The following CEP63 variants were observed in gnomAD, a reference collection of about 807,000 sequenced individuals.
CEP63 encodes centrosomal protein 63, also known as centrosomal protein of 63 kDa.
A neutral mutation model predicts 89.1 loss-of-function variants in CEP63; 84 were observed. That is an observed-to-expected ratio of 0.94 (90% CI 0.79 to 1.13). CEP63 has a LOEUF of 1.13. Ranked by LOEUF, CEP63 falls within the 50% of genes most tolerant of loss-of-function variation. The pLI is 0.00. For missense variants in CEP63, 838 were observed against 813.3 expected (o/e 1.03, Z -0.37); for synonymous variants, 267 against 272.5 (o/e 0.98, Z 0.20).
At chr3:134,675,627 C>T in the CEP63 span, among the ~76,000 whole-genome samples, 3 of 151,958 alleles carry the variant, frequency 2.0e-5, no homozygotes, top group Non-Finnish European at 2.9e-5. Context: ...ATTTTAAAGT[C>T]ATATGCCTCA....
the CEP63 span, chr3:134,601,031 T>A: frequency 2.0e-5 from 3 of 152,300 alleles, 1 homozygote; most frequent in African/African-American, 7.2e-5. Context: ...GGGGCGCCCG[T>A]GCCATTCCGC....
At chr3:134,757,550 AAG>A in the CEP63 span, among the ~76,000 whole-genome samples, 1 of 152,234 alleles carries the variant, frequency 6.6e-6, no homozygotes, top group Non-Finnish European at 1.5e-5. Flanking sequence ...GGAGTAGAAA[AAG>A]AGGAATCAAG....
At chr3:134,627,869 T>C in the CEP63 span, 1 of 1,426,116 alleles carries the variant, frequency 7.0e-7, no homozygotes, top group Non-Finnish European at 9.9e-7. Flanking sequence ...GAAACAGAAA[T>C]GCAAGCACTG....
intron 12 of CEP63, among the ~76,000 whole-genome samples, chr3:134,555,531 A>G (rs1262784351): frequency 6.6e-6 from 1 of 151,438 alleles, no homozygotes; most frequent in Non-Finnish European, 1.5e-5. Flanking sequence ...CAATTGCTTC[A>G]AAGAGAATAA....
chr3:134,584,735 A>G (rs1052173928), intron 10 of CEP63, among the ~76,000 whole-genome samples: 4 of 152,050 alleles, frequency 2.6e-5, no homozygotes, highest in Admixed American at 2.6e-4. Flanking sequence ...ATTGATTGGA[A>G]TAGTTTCAGA....
At chr3:134,638,042 C>G in the CEP63 span, among the ~76,000 whole-genome samples, 1 of 152,184 alleles carries the variant, frequency 6.6e-6, no homozygotes, top group Admixed American at 6.5e-5. Context: ...CAAAGCTGTG[C>G]TGCTGCTTAG....
chr3:134,757,625 G>A, the CEP63 span, among the ~76,000 whole-genome samples: 1 of 152,166 alleles, frequency 6.6e-6, no homozygotes, highest in Non-Finnish European at 1.5e-5. Context: ...AAAGAGATGA[G>A]AAGTAACTGA....
At chr3:134,533,455 T>C (rs1364393622) in intron 5 of CEP63, among the ~76,000 whole-genome samples, 1 of 152,202 alleles carries the variant, frequency 6.6e-6, no homozygotes, top group Non-Finnish European at 1.5e-5. Context: ...TATTCTCAAT[T>C]CCCATTTAGA....
chr3:134,745,283 T>A, the CEP63 span, among the ~76,000 whole-genome samples: 2 of 152,254 alleles, frequency 1.3e-5, no homozygotes, highest in Admixed American at 6.5e-5. Flanking sequence ...GGACTTTTAG[T>A]TGTTTCAGTT....
chr3:134,564,173 G>C lies in CEP63; in HGVS notation c.*2638G>C. Reference sequence around the variant, plus strand: ...TTGAGGGCAAGGACTTTGCTTCTCTGGTTCATGGTGGGATCCTCATCACCC... The same window carrying C: ...TTGAGGGCAAGGACTTTGCTTCTCTCGTTCATGGTGGGATCCTCATCACCC... On this transcript the variant is annotated 3_prime_UTR_variant, in exon 15 of 15. Coordinates refer to ENST00000675561, the MANE Select transcript of CEP63 (RefSeq NM_001353108.3). 1 of 782,412 alleles carries C rather than the reference G, an allele frequency of 1.3e-6. No homozygotes were observed. Among genetic ancestry groups the C allele is most frequent in the Non-Finnish European group, 1.6e-6 (1 of 644,694 alleles). 48.5% of individuals were successfully genotyped at this position (782,412 alleles called of 1,614,324 possible). A position where few individuals can be genotyped will look rare whatever the true frequency, so the allele number is the denominator to read the frequency against.
intron 2 of CEP63, among the ~76,000 whole-genome samples, chr3:134,503,150 A>C (rs1942504079): frequency 9.8e-6 from 1 of 102,222 alleles, no homozygotes. Flanking sequence ...GTAGGCATCT[A>C]TTGCTATAAA....
chr3:134,487,616 GA>G (rs1936059407), intron 1 of CEP63, among the ~76,000 whole-genome samples: 1 of 152,224 alleles, frequency 6.6e-6, no homozygotes, highest in African/African-American at 2.4e-5. Flanking sequence ...AACATTGACA[GA>G]AGGTTTCAGG....
chr3:134,558,477 G>C, intron 13 of CEP63, 130 bp downstream of exon 13: 7 of 708,984 alleles, frequency 9.9e-6, no homozygotes, highest in Non-Finnish European at 1.7e-5. Flanking sequence ...CTGAAGTATA[G>C]TGTGCACAAG....
the CEP63 span, among the ~76,000 whole-genome samples, chr3:134,599,584 G>A: frequency 3.3e-5 from 5 of 152,224 alleles, no homozygotes; most frequent in African/African-American, 1.2e-4. Context: ...AAAGTAGGCT[G>A]ATAGGCATTT....
intron 3 of CEP63, chr3:134,510,671 C>A: frequency 1.6e-6 from 1 of 617,554 alleles, no homozygotes; most frequent in Non-Finnish European, 3.0e-6. Flanking sequence ...ATTTCTGGAG[C>A]CCAGGCTTGT....
the CEP63 span, among the ~76,000 whole-genome samples, chr3:134,619,616 G>T: frequency 6.6e-6 from 1 of 152,222 alleles, no homozygotes; most frequent in East Asian, 1.9e-4. Context: ...TTTTCCTGCA[G>T]CCCGAAGGCC....
the CEP63 span, among the ~76,000 whole-genome samples, chr3:134,665,684 C>G: frequency 7.4e-6 from 1 of 134,640 alleles, no homozygotes; most frequent in Admixed American, 7.4e-5. Context: ...CACACACACA[C>G]ACACACACAC....
At chr3:134,588,242 C>T (rs9836878), downstream of CEP63, among the ~76,000 whole-genome samples, 151,696 of 152,270 alleles carry the variant, frequency 1, 75,566 homozygotes, top group Middle Eastern at 1. Context: ...TGAGCTGAGA[C>T]AGTGCGGCTG....
At chr3:134,760,353 C>T in the CEP63 span, among the ~76,000 whole-genome samples, 2 of 152,166 alleles carry the variant, frequency 1.3e-5, no homozygotes, top group Non-Finnish European at 2.9e-5. Context: ...GCCACCGCGC[C>T]CGGCCAGCAC....
Sources: gnomAD v4.1 joint callset for allele counts (sites outside exome capture counted in the v4.1 genomes callset) on GRCh38, gnomAD v4.1.1 for gene constraint, MANE v1.5 for transcripts, NCBI Gene and HGNC (gene_info 2026-07-23, HGNC 2026-07-21) for gene names.